The following PFKP variants were observed in gnomAD, a reference collection of about 807,000 sequenced individuals.
The protein encoded by PFKP is ATP-dependent 6-phosphofructokinase, platelet type.
Under a neutral mutation model 94.3 loss-of-function variants are expected in PFKP, and 101 were observed. That is an observed-to-expected ratio of 1.07 (90% CI 0.91 to 1.26). The LOEUF (loss-of-function observed/expected upper bound fraction) is 1.26, where lower values mean the gene tolerates loss of function less well. Ranked by LOEUF, PFKP falls within the 50% of genes most tolerant of loss-of-function variation. PFKP has a pLI of 0.00. For synonymous variants in PFKP, 573 were observed against 432.6 expected (o/e 1.32, Z -4.03); for missense variants, 1,145 against 1,103.3 (o/e 1.04, Z -0.53).
At chr10:3,076,042 T>TAAAAAAAAAA (rs199584217) in intron 1 of PFKP, among the ~76,000 whole-genome samples, 2 of 122,186 alleles carry the variant, frequency 1.6e-5, no homozygotes, top group Admixed American at 8.4e-5. Flanking sequence ...AAAAAAAAAG[T>TAAAAAAAAAA]AAAAACCGGT....
intron 13 of PFKP, among the ~76,000 whole-genome samples, chr10:3,113,740 C>T (rs118072394): frequency 6.6e-6 from 1 of 152,096 alleles, no homozygotes; most frequent in Non-Finnish European, 1.5e-5. Flanking sequence ...TTTGAATTTT[C>T]TGAAAAGGTG....
Position 3,067,565 on chromosome 10 carries a change from C to G in PFKP, c.-31C>G. 8.1e-7 allele frequency: 1 copy of G among 1,230,738 alleles called. No individual in the cohort carries two copies. The highest frequency in any genetic ancestry group is 1.1e-6 in the Non-Finnish European group (1 of 877,420). The allele number at this position is 1,230,738 out of a possible 1,614,324, so 76.2% of individuals were successfully genotyped here. A position where few individuals can be genotyped will look rare whatever the true frequency, so the allele number is the denominator to read the frequency against. On this transcript the variant is annotated 5_prime_UTR_variant, in exon 1 of 22. Transcript: ENST00000381125. ...GGGTCCCCATTGCCTGCTGCGCACC[C>G]GGACGTGCGGCTCCCCTCGGCCTCC...
Position 3,109,438 on chromosome 10 carries a change from G to A in PFKP, c.1047G>A (p.Gly349=). 1 of 1,608,036 alleles carries A rather than the reference G, an allele frequency of 6.2e-7. No individual in the cohort carries two copies. Among genetic ancestry groups the A allele is most frequent in the Non-Finnish European group, 8.5e-7 (1 of 1,179,910 alleles). The change falls in exon 10 of 22, where the codon GGG becomes GGA. Residue 349 remains glycine, a synonymous_variant. Coordinates refer to ENST00000381125, the MANE Select transcript of PFKP (RefSeq NM_002627.5). ...CAGCTTGCGTCGTGTCACTGAACGG[G>A]AACCACGCCGTGCGCCTGCCGCTGA... is the stretch of plus-strand genomic sequence containing the variant. The part of the protein sequence containing the change: ...DTPACVVSLN[G]NHAVRLPLME...
At chr10:3,093,852 C>G (rs552143680) in intron 2 of PFKP, among the ~76,000 whole-genome samples, 2 of 152,078 alleles carry the variant, frequency 1.3e-5, no homozygotes, top group Admixed American at 1.3e-4. Flanking sequence ...ACCGTGTTAG[C>G]CAGGATGGTC....
intron 1 of PFKP, among the ~76,000 whole-genome samples, chr10:3,081,948 A>G (rs1024403180): frequency 1.6e-5 from 2 of 126,054 alleles, no homozygotes; most frequent in African/African-American, 6.3e-5. Context: ...ATAAAATTGC[A>G]TGACTTGTTT....
chr10:3,119,679 C>T (rs7924111), intron 15 of PFKP, among the ~76,000 whole-genome samples: 11,781 of 152,222 alleles, frequency 0.077, 634 homozygotes, highest in African/African-American at 0.15. Context: ...GTCATCTAAC[C>T]GATCATGTCT....
chr10:3,108,831 T>C, intron 9 of PFKP, 38 bp downstream of exon 9: 2 of 1,426,856 alleles, frequency 1.4e-6, no homozygotes, highest in Non-Finnish European at 2.0e-6. Context: ...ACAAGGTCTC[T>C]AGGAGGAAGC....
At chr10:3,126,688 C>CT (rs950853256) in intron 16 of PFKP, among the ~76,000 whole-genome samples, 27 of 152,374 alleles carry the variant, frequency 1.8e-4, no homozygotes, top group Middle Eastern at 3.4e-3. Context: ...AAGTCAGTGG[C>CT]TTTTTTCTAC....
chr10:3,127,228 AGCTGTC>A (rs890978457), intron 16 of PFKP, among the ~76,000 whole-genome samples: 1 of 152,246 alleles, frequency 6.6e-6, no homozygotes, highest in Non-Finnish European at 1.5e-5. Flanking sequence ...CTTCCGTACC[AGCTGTC>A]GCTGCGTTTA....
In PFKP at chr10:3,094,170, C is replaced by T. The variant is rs115440611; in HGVS notation, c.187-5105C>T. ...CTCAAGGTGGGGTTTGCTGTAAGGT[C>T]ACTGCCAGGCCAGTGCTTGGGACCC... is the stretch of plus-strand genomic sequence containing the variant. On this transcript the variant is annotated intron_variant, in intron 2 of 21. Coordinates refer to ENST00000381125, the MANE Select transcript of PFKP (RefSeq NM_002627.5). Among the ~76,000 whole-genome samples, 976 of 152,312 alleles carry T rather than the reference C, an allele frequency of 6.4e-3. 11 individuals carry two copies. Among genetic ancestry groups the T allele is most frequent in the African/African-American group, 0.022 (911 of 41,570 alleles).
chr10:3,072,861 A>C (rs892642074), intron 1 of PFKP, among the ~76,000 whole-genome samples: 1 of 152,026 alleles, frequency 6.6e-6, no homozygotes, highest in Non-Finnish European at 1.5e-5. Flanking sequence ...ACCAGATTGC[A>C]CGTTCACAAT....
At chr10:3,092,903 A>T (rs112415079) in intron 2 of PFKP, among the ~76,000 whole-genome samples, 1 of 151,696 alleles carries the variant, frequency 6.6e-6, no homozygotes, top group Non-Finnish European at 1.5e-5. Context: ...AATCTGGAGG[A>T]TGCCTGAGCT....
At chr10:3,136,403 C>T (rs1462577203) in intron 21 of PFKP, 47 bp from the exon 22 acceptor site, 1 of 1,604,120 alleles carries the variant, frequency 6.2e-7, no homozygotes, top group Non-Finnish European at 8.5e-7. Flanking sequence ...GAGGCATCTC[C>T]CGCCAGTGAC....
chr10:3,110,972 G>C (rs917757939), intron 10 of PFKP, among the ~76,000 whole-genome samples: 29 of 151,874 alleles, frequency 1.9e-4, no homozygotes, highest in South Asian at 2.1e-4. Flanking sequence ...GTGTGTGCAT[G>C]TGTGTATATG....
intron 14 of PFKP, 39 bp downstream of exon 14, chr10:3,116,885 G>C: frequency 7.0e-7 from 1 of 1,425,234 alleles, no homozygotes; most frequent in Non-Finnish European, 9.9e-7. Flanking sequence ...TGCTTTTAAG[G>C]AAGAAGGAAG....
At chr10:3,100,771 G>A (rs182078410) in intron 3 of PFKP, 9 of 538,194 alleles carry the variant, frequency 1.7e-5, no homozygotes, top group South Asian at 2.7e-5. Context: ...CAAGTGTGAC[G>A]AATCATGATC....
Position 3,105,436 on chromosome 10 carries a change from G to A in PFKP, c.709G>A (p.Val237Met). Residue 237 changes from valine (V) to methionine (M), a missense_variant, in exon 7 of 22, where the codon GTG becomes ATG. Val to Met is a conservative substitution (Grantham distance 21, BLOSUM62 1). Coordinates refer to ENST00000381125, the MANE Select transcript of PFKP (RefSeq NM_002627.5). ...TGCCTTGGCCTGCGGTGCGGACTGG[G>A]TGTTCCTTCCAGAATCTCCACCAGA... is the stretch of plus-strand genomic sequence containing the variant. ...VSALACGADW[V>M]FLPESPPEEG... 6.2e-7 allele frequency: 1 copy of A among 1,614,082 alleles called. No individual in the cohort carries two copies. The highest frequency in any genetic ancestry group is 8.5e-7 in the Non-Finnish European group (1 of 1,180,000).
intron 14 of PFKP, among the ~76,000 whole-genome samples, 162 bp downstream of exon 14, chr10:3,117,008 C>CGTGTTCCAGGGAGCTGGGGAT (rs1564330529): frequency 6.6e-6 from 1 of 152,194 alleles, no homozygotes; most frequent in Non-Finnish European, 1.5e-5. Flanking sequence ...TGGAACTGCC[C>CGTGTTCCAGGGAGCTGGGGAT]GTGTTCCAGG....
chr10:3,108,289 C>A (rs1396298832), intron 8 of PFKP, among the ~76,000 whole-genome samples: 1 of 152,204 alleles, frequency 6.6e-6, no homozygotes, highest in Non-Finnish European at 1.5e-5. Flanking sequence ...GAGGGGAACG[C>A]CTTGATTGGG....
Sources: gnomAD v4.1 joint callset for allele counts (sites outside exome capture counted in the v4.1 genomes callset) on GRCh38, gnomAD v4.1.1 for gene constraint, MANE v1.5 for transcripts, NCBI Gene and HGNC (gene_info 2026-07-23, HGNC 2026-07-21) for gene names.